AGR3: variants seen among roughly 807,000 people sequenced by gnomAD.
The protein encoded by AGR3 is anterior gradient 3, protein disulphide isomerase family member.
A neutral mutation model predicts 24.5 loss-of-function variants in AGR3; 37 were observed. The ratio of observed to expected loss-of-function variants is 1.51; its 90% confidence interval spans 1.16 to 1.99. The LOEUF (loss-of-function observed/expected upper bound fraction) is 1.99, where lower values mean the gene tolerates loss of function less well. Ranked by LOEUF, AGR3 falls within the 30% of genes most tolerant of loss-of-function variation. The probability of loss-of-function intolerance (pLI) is 0.00; values close to 1 mark genes in which losing one functional copy is unlikely to be tolerated. For missense variants in AGR3, 228 were observed against 191.1 expected (o/e 1.19, Z -1.14); for synonymous variants, 75 against 61.6 (o/e 1.22, Z -1.02).
At chr7:16,879,171 C>G in intron 1 of AGR3, among the ~76,000 whole-genome samples, 1 of 152,142 alleles carries the variant, frequency 6.6e-6, no homozygotes. Context: ...TCCTTCAGTT[C>G]CTTTATAGTT....
chr7:16,867,180 C>T (rs997404570), intron 3 of AGR3, among the ~76,000 whole-genome samples: 4 of 151,996 alleles, frequency 2.6e-5, no homozygotes, highest in Admixed American at 2.6e-4. Flanking sequence ...ATAATTATAT[C>T]TTTCTAATTT....
At chr7:16,865,186 T>C (rs1781731367) in intron 3 of AGR3, 1 of 749,204 alleles carries the variant, frequency 1.3e-6, no homozygotes, top group South Asian at 1.6e-5. Flanking sequence ...ACCCTATCAG[T>C]TTTTTTTCTT....
chr7:16,859,380 G>T (rs1306937497), downstream of AGR3: 3 of 481,704 alleles, frequency 6.2e-6, no homozygotes, highest in Non-Finnish European at 1.1e-5. Context: ...CTTTGCTACT[G>T]ATGAGGCAGA....
At chr7:16,876,563 G>T (rs1781990021) in intron 2 of AGR3, among the ~76,000 whole-genome samples, 1 of 151,916 alleles carries the variant, frequency 6.6e-6, no homozygotes, top group Non-Finnish European at 1.5e-5. Context: ...ACTGTATCCA[G>T]ACTTCTCCCA....
chr7:16,869,001 T>C (rs945941001), intron 3 of AGR3, among the ~76,000 whole-genome samples: 2 of 152,222 alleles, frequency 1.3e-5, no homozygotes, highest in Admixed American at 6.5e-5. Flanking sequence ...TCCTACGCTA[T>C]GAGAACGTAT....
intron 2 of AGR3, among the ~76,000 whole-genome samples, chr7:16,877,307 T>C: frequency 7.4e-6 from 1 of 135,410 alleles, no homozygotes; most frequent in Admixed American, 7.9e-5. Context: ...ATATAGTATA[T>C]ATAATATATA....
chr7:16,881,408 T>C (rs1295621038), intron 1 of AGR3, among the ~76,000 whole-genome samples: 1 of 152,186 alleles, frequency 6.6e-6, no homozygotes, highest in Non-Finnish European at 1.5e-5. Flanking sequence ...TGGTAAAATA[T>C]AGTGTAAACT....
At chr7:16,869,598 A>T (rs1347141660) in intron 3 of AGR3, among the ~76,000 whole-genome samples, 8 of 151,724 alleles carry the variant, frequency 5.3e-5, no homozygotes, top group Non-Finnish European at 1.2e-4. Flanking sequence ...GTGGTGGCAC[A>T]CATTTGTAGT....
downstream of AGR3, among the ~76,000 whole-genome samples, chr7:16,858,529 C>T (rs762773256): frequency 1.9e-4 from 29 of 152,116 alleles, no homozygotes; most frequent in Non-Finnish European, 3.4e-4. Context: ...GAAGTAGTTA[C>T]ACTTTTCTTA....
chr7:16,860,612 G>T (rs1781623085), intron 6 of AGR3, 29 bp from the exon 7 acceptor site: 1 of 1,483,962 alleles, frequency 6.7e-7, no homozygotes, highest in East Asian at 2.3e-5. Flanking sequence ...AGTCACGAAA[G>T]TATAATTTAG....
intron 3 of AGR3, among the ~76,000 whole-genome samples, chr7:16,871,638 T>C (rs1781866453): frequency 6.6e-6 from 1 of 151,864 alleles, no homozygotes; most frequent in Non-Finnish European, 1.5e-5. Context: ...AGATCAAGAG[T>C]TCGAGACCAG....
downstream of AGR3, among the ~76,000 whole-genome samples, chr7:16,857,320 T>C (rs1389436566): frequency 6.6e-6 from 1 of 152,190 alleles, no homozygotes; most frequent in Non-Finnish European, 1.5e-5. Flanking sequence ...AATATATGCA[T>C]ATTAAAATAT....
At chr7:16,865,611 T>A in intron 3 of AGR3, 1 of 739,782 alleles carries the variant, frequency 1.4e-6, no homozygotes, top group South Asian at 1.4e-5. Context: ...AGAATCCCTA[T>A]AAACTGGTTA....
At chr7:16,862,155 C>T in intron 4 of AGR3, 95 bp from the exon 5 acceptor site, 2 of 952,592 alleles carry the variant, frequency 2.1e-6, no homozygotes, top group Non-Finnish European at 3.3e-6. Context: ...CATTTGTTTG[C>T]ATATATAACT....
intron 3 of AGR3, among the ~76,000 whole-genome samples, chr7:16,868,444 G>A (rs766822905): frequency 2.6e-5 from 4 of 151,952 alleles, no homozygotes; most frequent in Non-Finnish European, 5.9e-5. Flanking sequence ...TATGAGCCAC[G>A]GCGCCCAGCC....
In AGR3 at chr7:16,873,840, C is replaced by T. The variant is rs757738802; in HGVS notation, c.113G>A (p.Trp38Ter). Residue 38 changes from tryptophan (W) to a stop codon, truncating the protein, a stop_gained, in exon 3 of 8, where the codon TGG becomes TAG. Transcript: ENST00000310398. LOFTEE classifies it high-confidence loss of function. The part of the protein sequence containing the change: ...KRPPQTLSRG[W>*]GDDITWVQTY... ...TTGTACCCAAGTGATGTCATCTCCC[C>T]ATCCTGAAATAGAAGAGAGAAATCA... The T allele has an allele frequency of 2.5e-6, 4 of 1,611,958 alleles. No individual in the cohort carries two copies. The African/African-American group carries it at 5.3e-5, about 22-fold the overall frequency.
chr7:16,874,181 T>C (rs1781942907), intron 2 of AGR3, among the ~76,000 whole-genome samples: 1 of 152,148 alleles, frequency 6.6e-6, no homozygotes, highest in African/African-American at 2.4e-5. Context: ...AAAGTAACAG[T>C]TCATCTTTGC....
intron 3 of AGR3, among the ~76,000 whole-genome samples, chr7:16,867,477 A>C (rs1781780422): frequency 6.6e-6 from 1 of 152,220 alleles, no homozygotes; most frequent in African/African-American, 2.4e-5. Flanking sequence ...CAAGCTATTT[A>C]ACATATTCAT....
chr7:16,872,175 C>T (rs1201561193), intron 3 of AGR3, among the ~76,000 whole-genome samples: 1 of 152,116 alleles, frequency 6.6e-6, no homozygotes, highest in African/African-American at 2.4e-5. Flanking sequence ...AAGAACAAAA[C>T]TGCAGGCATC....
Sources: gnomAD v4.1 joint callset for allele counts (sites outside exome capture counted in the v4.1 genomes callset) on GRCh38, gnomAD v4.1.1 for gene constraint, MANE v1.5 for transcripts, NCBI Gene and HGNC (gene_info 2026-07-23, HGNC 2026-07-21) for gene names.